CCDC197: variants seen among roughly 807,000 people sequenced by gnomAD.
CCDC197 encodes the protein uncharacterized protein CCDC197.
Under a neutral mutation model 13.4 loss-of-function variants are expected in CCDC197, and 24 were observed. That is an observed-to-expected ratio of 1.80 (90% confidence interval 1.30 to 2.53). The LOEUF (loss-of-function observed/expected upper bound fraction) is 2.53. CCDC197 is among the 30% of genes most tolerant of loss of function. The pLI is 0.00. For missense variants in CCDC197, 255 were observed against 148.8 expected, an observed-to-expected ratio of 1.71 and a Z score of -3.71; for synonymous variants, 99 against 55.5, an observed-to-expected ratio of 1.78 and a Z score of -3.48.
At chr14:94,004,353 C>A (rs1011162236) in intron 5 of CCDC197, among the ~76,000 whole-genome samples, 2 of 152,218 alleles carry the variant, frequency 1.3e-5, no homozygotes, top group African/African-American at 2.4e-5. Flanking sequence ...GAGACCTGCT[C>A]AGGTCCAGAC....
downstream of CCDC197, among the ~76,000 whole-genome samples, chr14:94,010,439 G>A (rs2141395932): frequency 6.6e-6 from 1 of 152,298 alleles, no homozygotes; most frequent in Admixed American, 6.5e-5. Context: ...CCTGACCTCA[G>A]GTGATCCGCC....
At chr14:94,004,768 A>C (rs1015058999) in intron 5 of CCDC197, 87 bp from the exon 6 acceptor site, 20 of 669,772 alleles carry the variant, frequency 3.0e-5, no homozygotes, top group Admixed American at 1.2e-4. Context: ...TGTCCACGAC[A>C]CTTCGCTGGC....
rs1055026880 is a variant in CCDC197, at chr14:94,003,927, G to A, written c.498+573G>A. On this transcript the variant is annotated intron_variant, in intron 5 of 6. Transcript: ENST00000636493. This position sits in a 1 kb window ranked among gnomAD's most constrained non-coding sequence, Gnocchi z 5.0. The stretch of plus-strand genomic sequence containing the variant: ...TCTTAGTCCTTGTATAATGTTTGTG[G>A]TTAATAATAAGATAACGGTGTTTAA... Among the ~76,000 whole-genome samples, 8 of 152,198 alleles carry A rather than the reference G, an allele frequency of 5.3e-5. No individual in the cohort carries two copies. The highest frequency in any genetic ancestry group is 1.7e-4 in the African/African-American group (7 of 41,448).
intron 6 of CCDC197, among the ~76,000 whole-genome samples, chr14:94,006,420 C>T (rs531973726): frequency 6.6e-5 from 10 of 151,190 alleles, no homozygotes; most frequent in South Asian, 6.3e-4. Flanking sequence ...TGGCACTTCT[C>T]GCTCGGCTCA....
In CCDC197 at chr14:94,001,253, T is replaced by C. The variant is rs760196770; in HGVS notation, c.296T>C (p.Phe99Ser). ...SQDTQKRLEA[F>S]CQMIQAVHRS... ...GACACGCAGAAGCGCCTCGAGGCCT[T>C]CTGCCAGATGATCCAGGCTGTCCAC... The change falls in exon 4 of 7, where the codon TTC becomes TCC. Residue 99 changes from phenylalanine (F) to serine (S), a missense_variant. Physicochemically the swap from Phe to Ser is radical, Grantham distance 155. Transcript: ENST00000636493. The C allele has an allele frequency of 1.3e-6, 1 of 780,826 alleles. No homozygotes were observed. Among genetic ancestry groups the C allele is most frequent in the Non-Finnish European group, 2.4e-6 (1 of 417,996 alleles). The allele number at this position is 780,826 out of a possible 1,614,324, so 48.4% of individuals were successfully genotyped here. A position where few individuals can be genotyped will look rare whatever the true frequency, so the allele number is the denominator to read the frequency against.
At chr14:94,008,912 T>TG, downstream of CCDC197, 4 of 621,156 alleles carry the variant, frequency 6.4e-6, no homozygotes, top group South Asian at 7.3e-5. Context: ...GGAGAGAGTC[T>TG]GGGGGCATTG....
intron 1 of CCDC197, among the ~76,000 whole-genome samples, chr14:93,991,685 G>A (rs968071874): frequency 2.0e-5 from 3 of 152,170 alleles, no homozygotes; most frequent in Admixed American, 1.3e-4. Flanking sequence ...AGCCACACAG[G>A]GGTGAGGTCA....
intron 5 of CCDC197, among the ~76,000 whole-genome samples, chr14:94,004,553 C>T (rs907537264): frequency 1.3e-5 from 2 of 152,182 alleles, no homozygotes; most frequent in Non-Finnish European, 2.9e-5. Flanking sequence ...CAGGGCCCCA[C>T]TCCATGCCCC....
At chr14:94,010,673 T>A (rs1039665182), downstream of CCDC197, among the ~76,000 whole-genome samples, 3 of 152,136 alleles carry the variant, frequency 2.0e-5, no homozygotes, top group Non-Finnish European at 2.9e-5. Flanking sequence ...GGGACTTGCA[T>A]TTTGGCTGGA....
At chr14:93,989,942 G>A (rs1408012189) in intron 1 of CCDC197, among the ~76,000 whole-genome samples, 3 of 152,148 alleles carry the variant, frequency 2.0e-5, no homozygotes, top group Admixed American at 6.5e-5. Context: ...ACTGCTGGTC[G>A]GGCCTGTTCT....
intron 3 of CCDC197, among the ~76,000 whole-genome samples, chr14:94,000,420 T>C (rs1231998028): frequency 2.6e-5 from 4 of 152,242 alleles, no homozygotes; most frequent in East Asian, 1.9e-4. Flanking sequence ...AGAGGAGCTA[T>C]GGAAACTCCA....
intron 6 of CCDC197, among the ~76,000 whole-genome samples, chr14:94,006,815 G>T (rs1890693673): frequency 1.3e-5 from 2 of 152,044 alleles, no homozygotes; most frequent in Admixed American, 1.3e-4. Context: ...AATCCAATTT[G>T]TTTGTTTGTA....
Position 94,004,986 on chromosome 14 carries a change from A to G in CCDC197, c.615+15A>G. 1 of 700,678 alleles carries G rather than the reference A, an allele frequency of 1.4e-6. No individual in the cohort carries two copies. Among genetic ancestry groups the G allele is most frequent in the Non-Finnish European group, 2.6e-6 (1 of 383,528 alleles). 43.4% of individuals were successfully genotyped at this position (700,678 alleles called of 1,614,324 possible). A position where few individuals can be genotyped will look rare whatever the true frequency, so the allele number is the denominator to read the frequency against. The stretch of plus-strand genomic sequence containing the variant: ...ATCTGATTAAGGTAAGGATAGACAG[A>G]TGGCTGCGGGGCTCCTGACTGCCCC... On this transcript the variant is annotated intron_variant, in intron 6 of 6. Coordinates refer to ENST00000636493, the MANE Select transcript of CCDC197 (RefSeq NM_001351596.2).
chr14:93,987,873 GCT>G (rs1890126555), intron 1 of CCDC197, among the ~76,000 whole-genome samples: 7 of 149,466 alleles, frequency 4.7e-5, no homozygotes, highest in Admixed American at 4.7e-4. Flanking sequence ...AGCAGTGTCA[GCT>G]CCTGGAATAT....
chr14:94,003,546 T>C lies in CCDC197; in HGVS notation c.498+192T>C, dbSNP rs1197399802. Among the ~76,000 whole-genome samples the C allele has an allele frequency of 7.2e-6, 1 of 139,474 alleles. No individual in the cohort carries two copies. The highest frequency in any genetic ancestry group is 1.6e-5 in the Non-Finnish European group (1 of 62,096). 91.5% of individuals were successfully genotyped at this position (139,474 alleles called of 152,430 possible). A position where few individuals can be genotyped will look rare whatever the true frequency, so the allele number is the denominator to read the frequency against. On this transcript the variant is annotated intron_variant, in intron 5 of 6. Transcript: ENST00000636493. The surrounding 1 kb of genome is among the most constrained non-coding windows in gnomAD (Gnocchi z 5.0). ...ACAGACATAGTCACAGCCAGACACA[T>C]AGACACACAGACACAACCAGACATA... is the stretch of plus-strand genomic sequence containing the variant.
chr14:94,005,657 G>A (rs987578735), intron 6 of CCDC197, among the ~76,000 whole-genome samples: 1 of 152,160 alleles, frequency 6.6e-6, no homozygotes, highest in African/African-American at 2.4e-5. Context: ...ATGCATGTCC[G>A]TGTTTTCAGT....
downstream of CCDC197, among the ~76,000 whole-genome samples, chr14:94,009,742 G>T (rs184384668): frequency 1.3e-5 from 2 of 152,136 alleles, no homozygotes; most frequent in Non-Finnish European, 2.9e-5. Flanking sequence ...AAAAAACAGG[G>T]GTGGTGGTGA....
At chr14:93,996,829 C>A (rs2141346662), upstream of CCDC197, among the ~76,000 whole-genome samples, 1 of 152,348 alleles carries the variant, frequency 6.6e-6, no homozygotes, top group South Asian at 2.1e-4. Context: ...CCAGTGGCTC[C>A]AACAGGAGGT....
chr14:93,998,092 G>A lies in CCDC197; in HGVS notation c.-40G>A, dbSNP rs902734080. On this transcript the variant is annotated 5_prime_UTR_variant, in exon 2 of 7. Transcript: ENST00000636493. ...TCTGTCTTCATCCTGCCTGACTCAC[G>A]GGTCTCCTGTCCTCCTGCATAGCTT... is the stretch of plus-strand genomic sequence containing the variant. 7.7e-6 allele frequency: 6 copies of A among 779,490 alleles called. No individual in the cohort carries two copies. Among genetic ancestry groups the A allele is most frequent in the East Asian group, 2.4e-5 (1 of 41,228 alleles). The allele number at this position is 779,490 out of a possible 1,614,324, so 48.3% of individuals were successfully genotyped here.
Sources: gnomAD v4.1 joint callset for allele counts (sites outside exome capture counted in the v4.1 genomes callset) on GRCh38, gnomAD v4.1.1 for gene constraint, Gnocchi (gnomAD v3.1) non-coding constraint, MANE v1.5 for transcripts, NCBI Gene and HGNC (gene_info 2026-07-23, HGNC 2026-07-21) for gene names.